RELT: variants seen among roughly 807,000 people sequenced by gnomAD.
RELT encodes tumor necrosis factor receptor superfamily member 19L.
In RELT, 37 loss-of-function variants were observed where a neutral mutation model predicts 51.1. That is an observed-to-expected ratio of 0.72 (90% CI 0.56 to 0.95). The LOEUF is 0.95. RELT is among the 40% of genes least tolerant of loss of function. The pLI is 0.00. For synonymous variants in RELT, 241 were observed against 235.7 expected (o/e 1.02, Z -0.21); for missense variants, 535 against 572.6 (o/e 0.93, Z 0.67).
chr11:73,392,394 A>C lies in RELT; in HGVS notation c.551A>C (p.Asn184Thr). 6.2e-7 allele frequency: 1 copy of C among 1,613,546 alleles called. No homozygotes were observed. The highest frequency in any genetic ancestry group is 8.5e-7 in the Non-Finnish European group (1 of 1,179,882). Residue 184 changes from asparagine to threonine, a missense_variant, in exon 6 of 11, where the codon AAC becomes ACC. Asn to Thr is a moderately conservative substitution (Grantham distance 65, BLOSUM62 0). Transcript: ENST00000064780. ...LMGLLGILVC[N>T]LLKRKGYHCT... The stretch of plus-strand genomic sequence containing the variant: ...GGGCTGTTGGGCATCCTGGTGTGCA[A>C]CCTCCTCAAGCGGAAGGGCTACCAC...
chr11:73,393,010 A>G, intron 6 of RELT: 1 of 1,003,284 alleles, frequency 1.0e-6, no homozygotes, highest in Non-Finnish European at 1.2e-6. Flanking sequence ...TCTTCCCCAC[A>G]CCACTACTCC....
chr11:73,395,504 T>C lies in RELT; in HGVS notation c.*13T>C, dbSNP rs753110058. On this transcript the variant is annotated 3_prime_UTR_variant, in exon 11 of 11. Transcript: ENST00000064780. ...CCTGGTCATCTGAGGGGCGGTCTAGTCTAAGGACACTGCGGCCCTGCCCTG... is the reference window on the plus strand; with the variant it reads ...CCTGGTCATCTGAGGGGCGGTCTAGCCTAAGGACACTGCGGCCCTGCCCTG... 3 of 785,646 alleles carry C rather than the reference T, an allele frequency of 3.8e-6. No individual in the cohort carries two copies. The highest frequency in any genetic ancestry group is 2.4e-5 in the East Asian group (1 of 41,258). 48.7% of individuals were successfully genotyped at this position (785,646 alleles called of 1,614,324 possible). A position where few individuals can be genotyped will look rare whatever the true frequency, so the allele number is the denominator to read the frequency against.
At chr11:73,377,874 G>T (rs1352573947) in intron 1 of RELT, among the ~76,000 whole-genome samples, 1 of 151,960 alleles carries the variant, frequency 6.6e-6, no homozygotes, top group Non-Finnish European at 1.5e-5. Context: ...GGGACACAGC[G>T]GCCCAGGGGC....
intron 6 of RELT, chr11:73,392,986 C>T (rs775200539): frequency 3.4e-5 from 34 of 1,002,986 alleles, no homozygotes; most frequent in Admixed American, 1.0e-4. Context: ...CCCAGGGCCC[C>T]GGGCCCCTTT....
intron 6 of RELT, 82 bp downstream of exon 6, chr11:73,392,550 C>A: frequency 1.3e-6 from 2 of 1,518,084 alleles, no homozygotes; most frequent in South Asian, 1.2e-5. Flanking sequence ...CCAGCGGAAT[C>A]CTGCCTGGCC....
intron 1 of RELT, among the ~76,000 whole-genome samples, chr11:73,380,636 G>T (rs1458509928): frequency 1.3e-5 from 2 of 152,164 alleles, no homozygotes; most frequent in African/African-American, 4.8e-5. Flanking sequence ...AGGGTCGAGG[G>T]GTTTGTCTGA....
At chr11:73,393,004 C>G (rs1336409622) in intron 6 of RELT, 1 of 1,005,154 alleles carries the variant, frequency 9.9e-7, no homozygotes, top group Non-Finnish European at 1.2e-6. Context: ...TTTCCTTCTT[C>G]CCCACACCAC....
chr11:73,393,110 C>T, intron 6 of RELT: 4 of 998,874 alleles, frequency 4.0e-6, no homozygotes, highest in Non-Finnish European at 4.8e-6. Context: ...ATCTCCCATG[C>T]TAGCACCCTC....
chr11:73,389,087 C>G, intron 1 of RELT, 25 bp from the exon 2 acceptor site: 3 of 1,318,356 alleles, frequency 2.3e-6, no homozygotes, highest in Non-Finnish European at 3.2e-6. Context: ...GCCGCTCTGC[C>G]GAGCCTCCTC....
chr11:73,393,806 TC>T, intron 6 of RELT, 30 bp from the exon 7 acceptor site: 1 of 1,609,702 alleles, frequency 6.2e-7, no homozygotes, highest in Non-Finnish European at 8.5e-7. Context: ...TTCCCCCTCT[TC>T]CCCAGGATCA....
chr11:73,386,785 C>T (rs1002495283), intron 1 of RELT, among the ~76,000 whole-genome samples: 2 of 152,162 alleles, frequency 1.3e-5, no homozygotes, highest in African/African-American at 4.8e-5. Flanking sequence ...GGTCACCTAG[C>T]AGGTGCCACC....
chr11:73,390,501 A>AT (rs1287252467), intron 2 of RELT, 50 bp from the exon 3 acceptor site: 2 of 1,537,550 alleles, frequency 1.3e-6, no homozygotes, highest in East Asian at 4.5e-5. Context: ...GACCCCAGAG[A>AT]CCCCACACCC....
rs1866016780 is a variant in RELT at position 73,379,414 on chromosome 11, CT to C, written c.-26+2916del. Among the ~76,000 whole-genome samples the C allele has an allele frequency of 2.6e-5, 4 of 152,224 alleles. No homozygotes were observed. In the South Asian group the frequency reaches 8.3e-4, roughly 32 times the overall value. Reference sequence around the variant, plus strand: ...TTTCCACTTGTGACCACAGTTGGGACTGGTGTGATAGCTGCTGGAGGGAGGG... The same window carrying C: ...TTTCCACTTGTGACCACAGTTGGGACGGTGTGATAGCTGCTGGAGGGAGGG... On this transcript the variant is annotated intron_variant, in intron 1 of 10. Coordinates refer to ENST00000064780, the MANE Select transcript of RELT (RefSeq NM_152222.2).
At chr11:73,385,697 A>G (rs375447987) in intron 1 of RELT, among the ~76,000 whole-genome samples, 4 of 152,294 alleles carry the variant, frequency 2.6e-5, no homozygotes, top group Non-Finnish European at 5.9e-5. Context: ...GGAGAAGGAA[A>G]TCCCATGACC....
intron 6 of RELT, chr11:73,393,573 A>C: frequency 7.0e-7 from 1 of 1,435,498 alleles, no homozygotes; most frequent in Non-Finnish European, 9.2e-7. Context: ...CGCCCAATTC[A>C]ATGACTGGAG....
rs776437047 is a variant in RELT, at chr11:73,394,259, C to G, written c.730C>G (p.Leu244Val). The change falls in exon 8 of 11, where the codon CTG (leucine) becomes GTG (valine). Residue 244 changes from leucine (L) to valine (V), a missense_variant. Physicochemically the swap from Leu to Val is conservative, Grantham distance 32. Transcript: ENST00000064780. The surrounding 1 kb of genome is among the most constrained non-coding windows in gnomAD (Gnocchi z 4.9). Reference protein sequence around the residue: ...KKENAAALEELLKEYHSKQLV... With the variant: ...KKENAAALEEVLKEYHSKQLV... ...AGAGAATGCTGCGGCCCTGGAGGAG[C>G]TGCTGAAAGAGTACCACAGCAAACA... 2 of 1,610,498 alleles carry G rather than the reference C, an allele frequency of 1.2e-6. No homozygotes were observed. The highest frequency in any genetic ancestry group is 2.7e-5 in the African/African-American group (2 of 74,806).
intron 1 of RELT, among the ~76,000 whole-genome samples, chr11:73,383,949 C>T (rs1866085583): frequency 1.3e-5 from 2 of 152,208 alleles, no homozygotes; most frequent in African/African-American, 2.4e-5. Context: ...GTCTTCCTGC[C>T]TTGGGTGTGG....
chr11:73,380,003 C>T (rs1565217750), intron 1 of RELT, among the ~76,000 whole-genome samples: 1 of 152,190 alleles, frequency 6.6e-6, no homozygotes, highest in Non-Finnish European at 1.5e-5. Context: ...AGACTATAGC[C>T]CCAGCTCCAC....
intron 1 of RELT, among the ~76,000 whole-genome samples, chr11:73,383,593 A>C (rs1425551204): frequency 6.6e-6 from 1 of 152,192 alleles, no homozygotes; most frequent in Non-Finnish European, 1.5e-5. Flanking sequence ...GACATTTACT[A>C]TGTGCCAGGT....
Sources: allele counts gnomAD v4.1 joint callset (sites outside exome capture counted in the v4.1 genomes callset), GRCh38; gene constraint gnomAD v4.1.1; non-coding constraint Gnocchi (gnomAD v3.1); transcripts MANE v1.5; gene names NCBI Gene and HGNC (gene_info 2026-07-23, HGNC 2026-07-21).